HMBOX1: variants seen among roughly 807,000 people sequenced by gnomAD.
HMBOX1 encodes homeobox-containing protein 1.
In HMBOX1, 14 loss-of-function variants were observed where a neutral mutation model predicts 54.5. That is an observed-to-expected ratio of 0.26 (90% CI 0.17 to 0.40). The LOEUF is 0.40. Ranked by LOEUF, HMBOX1 falls within the 10% of genes least tolerant of loss-of-function variation. HMBOX1 has a pLI of 1.00. For synonymous variants in HMBOX1, 160 were observed against 181.0 expected, an observed-to-expected ratio of 0.88 and a Z score of 0.93; for missense variants, 332 against 514.4, an observed-to-expected ratio of 0.65 and a Z score of 3.43.
intron 1 of HMBOX1, among the ~76,000 whole-genome samples, chr8:28,917,940 G>C (rs1007529671): frequency 6.6e-6 from 1 of 152,022 alleles, no homozygotes; most frequent in Non-Finnish European, 1.5e-5. Context: ...TGTTCATCAG[G>C]GATATTAGTT....
rs374061731 is a variant in HMBOX1 at position 28,987,894 on chromosome 8, AC to A, written c.586+7739del. 4.3e-3 allele frequency among the ~76,000 whole-genome samples: 658 copies of A among 152,286 alleles called. 2 individuals are homozygous for A. The highest frequency in any genetic ancestry group is 0.014 in the Middle Eastern group (4 of 294). ...ATATCATTTGATTCTCACAAAATAA[AC>A]TTGGAGATGTACAGGGGAAATTTGT... On this transcript the variant is annotated intron_variant, in intron 4 of 9. Coordinates refer to ENST00000287701, the MANE Select transcript of HMBOX1 (RefSeq NM_001135726.3).
In HMBOX1 at chr8:28,971,558, C is replaced by A. The variant is rs548168469; in HGVS notation, c.500+1039C>A. Among the ~76,000 whole-genome samples the A allele has an allele frequency of 3.3e-5, 5 of 152,028 alleles. No individual in the cohort carries two copies. In the East Asian group the frequency reaches 9.7e-4, roughly 29 times the overall value. ...ATGTTTAATGAATGGGTGACCTTGA[C>A]CTAAATGGTAAAGAATAGCATTTGT... On this transcript the variant is annotated intron_variant, in intron 3 of 9. Transcript: ENST00000287701.
chr8:28,998,123 G>A (rs1187307894), intron 4 of HMBOX1, among the ~76,000 whole-genome samples: 1 of 152,138 alleles, frequency 6.6e-6, no homozygotes, highest in East Asian at 1.9e-4. Context: ...TGGGCCTTGA[G>A]TCAGATTCAG....
chr8:28,947,316 ACTTCAG>A (rs1822646196), intron 1 of HMBOX1, among the ~76,000 whole-genome samples: 1 of 152,144 alleles, frequency 6.6e-6, no homozygotes, highest in South Asian at 2.1e-4. Context: ...AATTTGTTAG[ACTTCAG>A]CTTTTAGTTG....
intron 1 of HMBOX1, chr8:28,891,833 A>G (rs906705454): frequency 3.3e-5 from 5 of 152,356 alleles, no homozygotes; most frequent in South Asian, 2.1e-4. Context: ...AGATAACACT[A>G]TGTAAAGTTG....
At chr8:28,906,348 G>GT (rs1380682144) in intron 1 of HMBOX1, among the ~76,000 whole-genome samples, 1 of 152,084 alleles carries the variant, frequency 6.6e-6, no homozygotes, top group Non-Finnish European at 1.5e-5. Context: ...GCATGCCTGA[G>GT]TTAACTCTTA....
intron 6 of HMBOX1, among the ~76,000 whole-genome samples, chr8:29,033,023 A>G (rs146254831): frequency 2.4e-3 from 369 of 152,278 alleles, no homozygotes; most frequent in African/African-American, 8.3e-3. Flanking sequence ...TTAGAACATT[A>G]TATCATTCTC....
At chr8:29,036,771 C>CTAA (rs1554579746) in intron 6 of HMBOX1, among the ~76,000 whole-genome samples, 2 of 152,182 alleles carry the variant, frequency 1.3e-5, no homozygotes, top group Non-Finnish European at 2.9e-5. Context: ...AGCCAGTGAA[C>CTAA]TAATAAGTCA....
intron 3 of HMBOX1, among the ~76,000 whole-genome samples, chr8:28,974,321 C>T (rs1012957216): frequency 5.3e-5 from 8 of 151,974 alleles, no homozygotes; most frequent in South Asian, 2.1e-4. Context: ...ACCTGTTTTA[C>T]GTTTTAATGT....
chr8:28,936,229 C>G (rs1820383198), intron 1 of HMBOX1, among the ~76,000 whole-genome samples: 1 of 151,936 alleles, frequency 6.6e-6, no homozygotes, highest in Non-Finnish European at 1.5e-5. Flanking sequence ...CCCTCTGATT[C>G]TTGACTGTAG....
intron 1 of HMBOX1, among the ~76,000 whole-genome samples, chr8:28,892,302 A>T (rs1183799318): frequency 6.6e-6 from 1 of 152,000 alleles, no homozygotes; most frequent in South Asian, 2.1e-4. Context: ...TGAATTCTAA[A>T]TTTTTTTTCA....
chr8:29,042,499 G>A (rs1225944514), intron 6 of HMBOX1: 1 of 372,930 alleles, frequency 2.7e-6, no homozygotes, highest in African/African-American at 2.1e-5. Flanking sequence ...TCAGGTAAGT[G>A]GGGCAGGAGA....
At chr8:28,954,736 G>T (rs1382166213) in intron 1 of HMBOX1, among the ~76,000 whole-genome samples, 1 of 152,124 alleles carries the variant, frequency 6.6e-6, no homozygotes, top group Non-Finnish European at 1.5e-5. Context: ...TTACCCTAAT[G>T]ATGTACTTAC....
At chr8:29,015,214 T>C (rs1645895738) in intron 5 of HMBOX1, among the ~76,000 whole-genome samples, 1 of 152,196 alleles carries the variant, frequency 6.6e-6, no homozygotes, top group African/African-American at 2.4e-5. Flanking sequence ...TTCAACCTCT[T>C]GGTTAGGATT....
chr8:29,001,194 A>G (rs905162383), intron 4 of HMBOX1, among the ~76,000 whole-genome samples: 2 of 152,228 alleles, frequency 1.3e-5, no homozygotes, highest in African/African-American at 2.4e-5. Context: ...TACAGCACCA[A>G]TTAGCCTGTG....
intron 1 of HMBOX1, among the ~76,000 whole-genome samples, chr8:28,930,972 G>T (rs1472796948): frequency 1.3e-5 from 2 of 152,112 alleles, no homozygotes; most frequent in African/African-American, 4.8e-5. Context: ...ATTGGTAAAT[G>T]ATCTATGATT....
chr8:28,987,684 G>A (rs1830366521), intron 4 of HMBOX1, among the ~76,000 whole-genome samples: 2 of 152,128 alleles, frequency 1.3e-5, no homozygotes, highest in South Asian at 4.1e-4. Flanking sequence ...TCAGGAAGAT[G>A]TAACACTATA....
chr8:29,045,373 G>A lies in HMBOX1; in HGVS notation c.864G>A (p.Glu288=). 6.2e-7 allele frequency: 1 copy of A among 1,614,060 alleles called. No homozygotes were observed. The highest frequency in any genetic ancestry group is 1.1e-5 in the South Asian group (1 of 91,074). The change falls in exon 7 of 10, where the codon GAG becomes GAA. Residue 288 remains glutamate, a synonymous_variant. Coordinates refer to ENST00000287701, the MANE Select transcript of HMBOX1 (RefSeq NM_001135726.3). ...CLAVMESYFN[E]NQYPDEAKRE... ...GTTGCCTCTGCAGTTACTTCAATGA[G>A]AATCAATACCCAGATGAAGCAAAGA...
At chr8:28,892,515 G>A (rs982543740) in intron 1 of HMBOX1, among the ~76,000 whole-genome samples, 3 of 152,078 alleles carry the variant, frequency 2.0e-5, no homozygotes, top group Non-Finnish European at 4.4e-5. Flanking sequence ...TTCGACTGTT[G>A]AGAATTGAAT....
Sources: allele counts gnomAD v4.1 joint callset (sites outside exome capture counted in the v4.1 genomes callset), GRCh38; gene constraint gnomAD v4.1.1; transcripts MANE v1.5; gene names NCBI Gene and HGNC (gene_info 2026-07-23, HGNC 2026-07-21).